SDC3: variants seen among roughly 807,000 people sequenced by gnomAD.
SDC3 encodes syndecan-3.
In SDC3, 13 loss-of-function variants were observed where a neutral mutation model predicts 24.4. The ratio of observed to expected loss-of-function variants is 0.53; its 90% CI spans 0.35 to 0.85. The LOEUF is 0.85. Among genes scored for constraint, SDC3 ranks in the 40% least tolerant of loss-of-function variants. SDC3 has a pLI of 0.01. For synonymous variants in SDC3, 295 were observed against 260.9 expected (o/e 1.13, Z -1.26); for missense variants, 571 against 584.5 (o/e 0.98, Z 0.24).
At chr1:30,905,405 C>T (rs1638501132) in intron 1 of SDC3, among the ~76,000 whole-genome samples, 1 of 148,600 alleles carries the variant, frequency 6.7e-6, no homozygotes, top group Non-Finnish European at 1.5e-5. Context: ...CACCCTTCCA[C>T]TCCCCACCCC....
intron 1 of SDC3, among the ~76,000 whole-genome samples, chr1:30,903,258 T>C (rs1172627748): frequency 6.6e-6 from 1 of 152,116 alleles, no homozygotes; most frequent in African/African-American, 2.4e-5. Context: ...GCAGGCCTGG[T>C]CACCTCTGCA....
chr1:30,876,659 G>A lies in SDC3; in HGVS notation c.763C>T (p.Arg255Trp), dbSNP rs370999937. The change falls in exon 3 of 5, where the codon CGG (arginine) becomes TGG (tryptophan). Residue 255 changes from arginine to tryptophan, a missense_variant. Coordinates refer to ENST00000339394, the MANE Select transcript of SDC3 (RefSeq NM_014654.4). ...TPRLVSTATS[R>W]PRALPRPATT... ...GCCGGCCTGGGAAGGGCTCTTGGCCGGGAGGTAGCTGTGCTGACCAGCCTG... is the reference window on the plus strand; with the variant it reads ...GCCGGCCTGGGAAGGGCTCTTGGCCAGGAGGTAGCTGTGCTGACCAGCCTG... The A allele has an allele frequency of 5.0e-5, 80 of 1,597,420 alleles. No homozygotes were observed. The highest frequency in any genetic ancestry group is 5.6e-5 in the South Asian group (5 of 89,310).
chr1:30,892,636 C>G (rs1300223416), intron 1 of SDC3, among the ~76,000 whole-genome samples: 1 of 152,156 alleles, frequency 6.6e-6, no homozygotes, highest in Admixed American at 6.5e-5. Context: ...TAGTGACTGC[C>G]ACCTCTGTGG....
At position 30,878,508 on chromosome 1, in the gene SDC3, AG is replaced by A. The variant is rs891053131; in HGVS notation, c.256+114del. 1.0e-4 allele frequency: 79 copies of A among 766,118 alleles called. No individual in the cohort carries two copies. In the Middle Eastern group the frequency reaches 4.7e-3, roughly 46 times the overall value. The allele number at this position is 766,118 out of a possible 1,614,324, so 47.5% of individuals were successfully genotyped here. A position where few individuals can be genotyped will look rare whatever the true frequency, so the allele number is the denominator to read the frequency against. On this transcript the variant is annotated intron_variant, in intron 2 of 4. Transcript: ENST00000339394. ...AGAGCAAGAAGAACTTGCCTGACCCAGGCAGTGAATGCCCCCTGCCTCACTG... is the reference window on the plus strand; with the variant it reads ...AGAGCAAGAAGAACTTGCCTGACCCAGCAGTGAATGCCCCCTGCCTCACTG...
chr1:30,882,857 C>A (rs973112483), intron 1 of SDC3, among the ~76,000 whole-genome samples: 4 of 152,108 alleles, frequency 2.6e-5, no homozygotes, highest in Non-Finnish European at 5.9e-5. Context: ...GGCTGTCAGG[C>A]AAGCCATTTA....
Position 30,876,885 on chromosome 1 carries a change from C to A in SDC3, c.537G>T (p.Val179=). The change falls in exon 3 of 5, where the codon GTG becomes GTT. Residue 179 remains valine (V), a synonymous_variant. Coordinates refer to ENST00000339394, the MANE Select transcript of SDC3 (RefSeq NM_014654.4). The part of the protein sequence containing the change: ...TSTGDPTVAT[V]PATVATATPS... ...GGGTGGCGGTGGCCACTGTGGCAGG[C>A]ACTGTGGCCACAGTCGGGTCCCCTG... The A allele has an allele frequency of 6.2e-7, 1 of 1,613,304 alleles. No homozygotes were observed. The highest frequency in any genetic ancestry group is 2.2e-5 in the East Asian group (1 of 44,872).
At position 30,869,732 on chromosome 1, in the gene SDC3, G is replaced by A. The variant is rs1237807893; in HGVS notation, c.*3479C>T. The A allele has an allele frequency of 5.0e-6, 2 of 398,570 alleles. No individual in the cohort carries two copies. Among genetic ancestry groups the A allele is most frequent in the Middle Eastern group, 6.2e-4 (1 of 1,612 alleles). The allele number at this position is 398,570 out of a possible 1,614,324, so 24.7% of individuals were successfully genotyped here. A position where few individuals can be genotyped will look rare whatever the true frequency, so the allele number is the denominator to read the frequency against. On this transcript the variant is annotated 3_prime_UTR_variant, in exon 5 of 5. Coordinates refer to ENST00000339394, the MANE Select transcript of SDC3 (RefSeq NM_014654.4). ...ATAAACAGGTTACAGGGGAGAGAAG[G>A]GGCAGGGAAGGCCTGGGGGAGGGAA... is the stretch of plus-strand genomic sequence containing the variant.
chr1:30,887,239 T>C (rs890554145), intron 1 of SDC3, among the ~76,000 whole-genome samples: 2 of 151,764 alleles, frequency 1.3e-5, no homozygotes, highest in African/African-American at 4.8e-5. Context: ...CCAGGCTCCA[T>C]GACGGTCACT....
At chr1:30,906,784 T>C (rs1638527137) in intron 1 of SDC3, among the ~76,000 whole-genome samples, 1 of 152,168 alleles carries the variant, frequency 6.6e-6, no homozygotes, top group African/African-American at 2.4e-5. Context: ...CCCAGGGTTG[T>C]GTGATTCCCA....
chr1:30,876,839 G>A lies in SDC3; in HGVS notation c.583C>T (p.Pro195Ser). 6.2e-7 allele frequency: 1 copy of A among 1,612,436 alleles called. No individual in the cohort carries two copies. Among genetic ancestry groups the A allele is most frequent in the South Asian group, 1.1e-5 (1 of 90,996 alleles). ...ATAACAGCAGTGGTGGCCGTAAAAG[G>A]GGGTGCTGCAGGGGTGCTGGGGGTG... Reference protein sequence around the residue: ...TATPSTPAAPPFTATTAVIRT... With the variant: ...TATPSTPAAPSFTATTAVIRT... Residue 195 changes from proline to serine, a missense_variant, in exon 3 of 5, where the codon CCT becomes TCT. This residue lies in a region of SDC3 where 497 missense variants were observed against 471.6 expected (regional missense o/e 1.05). Coordinates refer to ENST00000339394, the MANE Select transcript of SDC3 (RefSeq NM_014654.4).
chr1:30,874,215 C>T lies in SDC3; in HGVS notation c.1162+82G>A, dbSNP rs2282441. On this transcript the variant is annotated intron_variant, in intron 4 of 4. Coordinates refer to ENST00000339394, the MANE Select transcript of SDC3 (RefSeq NM_014654.4). ...CACGCCCTGATCTCCTTTCTGGGTTCCTAGAGGCAAACTGAGGCCCAGCCA... is the reference window on the plus strand; with the variant it reads ...CACGCCCTGATCTCCTTTCTGGGTTTCTAGAGGCAAACTGAGGCCCAGCCA... The T allele has an allele frequency of 0.041, 48,592 of 1,196,320 alleles. 8,132 individuals carry two copies. The East Asian group carries it at 0.56, about 14-fold the overall frequency. The allele number at this position is 1,196,320 out of a possible 1,614,324, so 74.1% of individuals were successfully genotyped here. A position where few individuals can be genotyped will look rare whatever the true frequency, so the allele number is the denominator to read the frequency against.
intron 1 of SDC3, among the ~76,000 whole-genome samples, chr1:30,895,341 T>C (rs1639985988): frequency 6.6e-6 from 1 of 152,120 alleles, no homozygotes; most frequent in Non-Finnish European, 1.5e-5. Context: ...TTGCAGACCA[T>C]CCCTCAAGAC....
upstream of SDC3, among the ~76,000 whole-genome samples, chr1:30,909,185 C>T (rs1314384582): frequency 1.3e-5 from 2 of 152,322 alleles, no homozygotes; most frequent in East Asian, 3.9e-4. Context: ...CATCGTCACC[C>T]TCACACACTC....
Position 30,904,424 on chromosome 1 carries a change from C to G in SDC3, c.138+4025G>C, listed in dbSNP as rs960302849. Among the ~76,000 whole-genome samples, 7 of 152,098 alleles carry G rather than the reference C, an allele frequency of 4.6e-5. No homozygotes were observed. In the East Asian group the frequency reaches 1.3e-3, roughly 29 times the overall value. ...CCTGCTGCCCCGGACCCCCCAGGGA[C>G]CCTATGCCCGCTTGTATGAGGTGGG... On this transcript the variant is annotated intron_variant, in intron 1 of 4. Transcript: ENST00000339394.
upstream of SDC3, among the ~76,000 whole-genome samples, chr1:30,909,100 G>A (rs962693277): frequency 2.0e-5 from 3 of 152,170 alleles, no homozygotes; most frequent in African/African-American, 7.2e-5. Context: ...AAGTCGCCGA[G>A]CGGAGGGGTC....
intron 1 of SDC3, among the ~76,000 whole-genome samples, chr1:30,884,605 C>G (rs941448262): frequency 8.5e-5 from 13 of 152,200 alleles, no homozygotes; most frequent in African/African-American, 2.7e-4. Context: ...CATCCCCACC[C>G]CAGCCCCAAC....
At chr1:30,902,896 G>A (rs1209042792) in intron 1 of SDC3, among the ~76,000 whole-genome samples, 2 of 152,204 alleles carry the variant, frequency 1.3e-5, no homozygotes, top group African/African-American at 4.8e-5. Context: ...CCCTGCCTGG[G>A]CTCCATAGCT....
intron 1 of SDC3, among the ~76,000 whole-genome samples, chr1:30,897,970 T>A (rs1055736433): frequency 1.3e-5 from 2 of 152,136 alleles, no homozygotes; most frequent in Admixed American, 6.5e-5. Context: ...GGCAGCACCC[T>A]CTACCTGCAG....
At position 30,908,619 on chromosome 1, in the gene SDC3, G is replaced by GC; in HGVS notation, c.-34_-33insG. On this transcript the variant is annotated 5_prime_UTR_variant, in exon 1 of 5. Transcript: ENST00000339394. The stretch of plus-strand genomic sequence containing the variant: ...GCGCGGGCGCGGGCGGCGGGCGGCG[G>GC]GCGGGCGCCTTTGTTCCCGAGGCGC... The GC allele has an allele frequency of 1.1e-6, 1 of 899,530 alleles. No homozygotes were observed. The highest frequency in any genetic ancestry group is 1.3e-6 in the Non-Finnish European group (1 of 755,298). 55.7% of individuals were successfully genotyped at this position (899,530 alleles called of 1,614,324 possible). A position where few individuals can be genotyped will look rare whatever the true frequency, so the allele number is the denominator to read the frequency against.
Sources: allele counts gnomAD v4.1 joint callset (sites outside exome capture counted in the v4.1 genomes callset), GRCh38; gene constraint gnomAD v4.1.1; regional missense constraint gnomAD v4.1.1; transcripts MANE v1.5; gene names NCBI Gene and HGNC (gene_info 2026-07-23, HGNC 2026-07-21).